The following NSD1 variants were observed in gnomAD, a reference collection of about 807,000 sequenced individuals.
The protein encoded by NSD1 is nuclear receptor binding SET domain protein 1, also known as histone-lysine N-methyltransferase, H3 lysine-36 specific.
A neutral mutation model predicts 242.7 loss-of-function variants in NSD1; 26 were observed. The ratio of observed to expected loss-of-function variants is 0.11; its 90% CI spans 0.08 to 0.15. The LOEUF is 0.15. Ranked by LOEUF, NSD1 falls within the 10% of genes least tolerant of loss-of-function variation. NSD1 has a pLI of 1.00. For missense variants in NSD1, 2,495 were observed against 3,272.8 expected, an observed-to-expected ratio of 0.76 and a Z score of 5.80; for synonymous variants, 1,106 against 1,178.1, an observed-to-expected ratio of 0.94 and a Z score of 1.25.
intron 16 of NSD1, among the ~76,000 whole-genome samples, chr5:177,270,417 A>G (rs1018834801): frequency 1.3e-5 from 2 of 152,236 alleles, no homozygotes; most frequent in African/African-American, 4.8e-5. Flanking sequence ...CTTAGAATAC[A>G]GTGGGATTAT....
At chr5:177,245,709 C>T (rs1477801194) in intron 9 of NSD1, among the ~76,000 whole-genome samples, 1 of 148,796 alleles carries the variant, frequency 6.7e-6, no homozygotes, top group Non-Finnish European at 1.5e-5. Flanking sequence ...AATCTCGGTT[C>T]ACTGCAGCCT....
At position 177,211,504 on chromosome 5, in the gene NSD1, A is replaced by G; in HGVS notation, c.3105A>G (p.Ser1035=). 1 of 1,614,130 alleles carries G rather than the reference A, an allele frequency of 6.2e-7. No individual in the cohort carries two copies. Among genetic ancestry groups the G allele is most frequent in the Non-Finnish European group, 8.5e-7 (1 of 1,180,026 alleles). Residue 1035 remains serine (S), a synonymous_variant, in exon 5 of 23, where the codon TCA becomes TCG. Transcript: ENST00000439151. ...KPSSKLRDAF[S]AQMVKNTVNR... is the part of the protein sequence containing the mutation. Reference sequence around the variant, plus strand: ...CATCCAAATTGCGAGATGCTTTTTCAGCCCAAATGGTAAAGAACACAGTGA... The same window carrying G: ...CATCCAAATTGCGAGATGCTTTTTCGGCCCAAATGGTAAAGAACACAGTGA...
At chr5:177,133,375 CG>C (rs1457315466), upstream of NSD1, among the ~76,000 whole-genome samples, 1 of 152,078 alleles carries the variant, frequency 6.6e-6, no homozygotes, top group Non-Finnish European at 1.5e-5. This position sits in a 1 kb window ranked among gnomAD's most constrained non-coding sequence, Gnocchi z 6.2. Flanking sequence ...GAGCCGTGTG[CG>C]GCCCGAGGCC....
chr5:177,156,957 C>A (rs187090023), intron 2 of NSD1, among the ~76,000 whole-genome samples: 1 of 151,716 alleles, frequency 6.6e-6, no homozygotes, highest in Admixed American at 6.6e-5. Context: ...GAGGACAGAG[C>A]GAGACTCTGT....
In NSD1 at chr5:177,134,972, TG is replaced by T. The variant is rs1351511771; in HGVS notation, c.-17-113del. The T allele has an allele frequency of 9.0e-6, 8 of 892,518 alleles. No individual in the cohort carries two copies. The highest frequency in any genetic ancestry group is 4.5e-5 in the South Asian group (3 of 67,292). The allele number at this position is 892,518 out of a possible 1,614,324, so 55.3% of individuals were successfully genotyped here. A position where few individuals can be genotyped will look rare whatever the true frequency, so the allele number is the denominator to read the frequency against. ...CAGTCGGGGGAACTTTTTCTGCCCA[TG>T]GAAGTGCAGCAGAAAGGCATAGAGG... On this transcript the variant is annotated intron_variant, in intron 1 of 22. Transcript: ENST00000439151. This position sits in a 1 kb window ranked among gnomAD's most constrained non-coding sequence, Gnocchi z 4.2.
intron 2 of NSD1, among the ~76,000 whole-genome samples, chr5:177,171,866 G>A (rs2149798813): frequency 6.6e-6 from 1 of 152,314 alleles, no homozygotes; most frequent in East Asian, 1.9e-4. Flanking sequence ...GGACATTTGA[G>A]TTGATTTCAC....
chr5:177,157,189 G>T (rs1024439002), intron 2 of NSD1, among the ~76,000 whole-genome samples: 6 of 152,004 alleles, frequency 3.9e-5, no homozygotes, highest in African/African-American at 1.4e-4. Context: ...CCAACATGGT[G>T]AAACTTTGTC....
chr5:177,168,093 G>A (rs773243780), intron 2 of NSD1, among the ~76,000 whole-genome samples: 1 of 152,136 alleles, frequency 6.6e-6, no homozygotes, highest in Non-Finnish European at 1.5e-5. Context: ...TAACAACACA[G>A]TATTAAAAAT....
rs2149756384 is a variant in NSD1 at position 177,135,675 on chromosome 5, C to T, written c.572C>T (p.Ala191Val). 1 of 1,614,162 alleles carries T rather than the reference C, an allele frequency of 6.2e-7. No individual in the cohort carries two copies. The highest frequency in any genetic ancestry group is 8.5e-7 in the Non-Finnish European group (1 of 1,180,034). ...EEIFEETQTN[A>V]TCNYETKSEN... ...ATCTTTGAGGAAACTCAGACCAATG[C>T]CACCTGCAATTATGAGACTAAATCA... Residue 191 changes from alanine (A) to valine (V), a missense_variant, in exon 2 of 23, where the codon GCC (alanine) becomes GTC (valine). Physicochemically the swap from Ala to Val is moderately conservative, Grantham distance 64. Around this residue, in one of 19 missense-constraint regions of NSD1, gnomAD observed 376 missense variants for 367.4 expected, o/e 1.02. Coordinates refer to ENST00000439151, the MANE Select transcript of NSD1 (RefSeq NM_022455.5).
At position 177,297,007 on chromosome 5, in the gene NSD1, T is replaced by C. The variant is rs928276820; in HGVS notation, c.*1548T>C. ...GATTCTGTATTTGGTCCCAATTTCCTCAAGTTCTTATTGAGGTTACTCCCA... is the reference window on the plus strand; with the variant it reads ...GATTCTGTATTTGGTCCCAATTTCCCCAAGTTCTTATTGAGGTTACTCCCA... On this transcript the variant is annotated 3_prime_UTR_variant, in exon 23 of 23. Coordinates refer to ENST00000439151, the MANE Select transcript of NSD1 (RefSeq NM_022455.5). The C allele has an allele frequency of 4.3e-6, 1 of 233,192 alleles. No individual in the cohort carries two copies. Among genetic ancestry groups the C allele is most frequent in the Non-Finnish European group, 8.5e-6 (1 of 118,060 alleles). 14.4% of individuals were successfully genotyped at this position (233,192 alleles called of 1,614,324 possible). A position where few individuals can be genotyped will look rare whatever the true frequency, so the allele number is the denominator to read the frequency against.
intron 17 of NSD1, 26 bp from the exon 18 acceptor site, chr5:177,280,539 C>G: frequency 2.5e-6 from 4 of 1,614,020 alleles, no homozygotes; most frequent in Non-Finnish European, 3.4e-6. Flanking sequence ...TTGTTTTATG[C>G]GGTGTACTTT....
intron 2 of NSD1, among the ~76,000 whole-genome samples, chr5:177,137,850 G>T (rs955696080): frequency 3.3e-5 from 5 of 152,032 alleles, no homozygotes; most frequent in Admixed American, 2.6e-4. Flanking sequence ...TTGGGAGGCT[G>T]AGGTGGACAG....
chr5:177,274,027 G>A (rs943024460), intron 17 of NSD1, among the ~76,000 whole-genome samples: 1 of 152,194 alleles, frequency 6.6e-6, no homozygotes, highest in Non-Finnish European at 1.5e-5. Flanking sequence ...CCAGGCAGGT[G>A]CCTGTAATTC....
chr5:177,298,038 A>G lies in NSD1; in HGVS notation c.*2579A>G, dbSNP rs1317200889. The G allele has an allele frequency of 2.6e-5, 6 of 232,718 alleles. No homozygotes were observed. The highest frequency in any genetic ancestry group is 1.1e-4 in the Admixed American group (2 of 17,676). 14.4% of individuals were successfully genotyped at this position (232,718 alleles called of 1,614,324 possible). A position where few individuals can be genotyped will look rare whatever the true frequency, so the allele number is the denominator to read the frequency against. ...AGCTATTGGGCCCACCAGTAGCAGC[A>G]TGTGATACTAGATGGTTAAAATCAT... On this transcript the variant is annotated 3_prime_UTR_variant, in exon 23 of 23. Transcript: ENST00000439151.
At chr5:177,207,197 C>T (rs567176445) in intron 4 of NSD1, among the ~76,000 whole-genome samples, 1 of 152,144 alleles carries the variant, frequency 6.6e-6, no homozygotes, top group Non-Finnish European at 1.5e-5. Flanking sequence ...TCCCCCCGAC[C>T]TTGGCCTCTC....
intron 14 of NSD1, among the ~76,000 whole-genome samples, chr5:177,262,848 A>G (rs1416080175): frequency 6.6e-6 from 1 of 152,242 alleles, no homozygotes; most frequent in Non-Finnish European, 1.5e-5. Flanking sequence ...TTATCTTCAC[A>G]GGTGTGGGAC....
intron 2 of NSD1, among the ~76,000 whole-genome samples, chr5:177,178,490 T>G (rs1760392863): frequency 6.6e-6 from 1 of 152,176 alleles, no homozygotes; most frequent in Non-Finnish European, 1.5e-5. Flanking sequence ...CCTGCCAAAG[T>G]GTTGGGATTA....
chr5:177,146,205 G>GTTTTTT (rs34454786), intron 2 of NSD1, among the ~76,000 whole-genome samples: 1 of 115,012 alleles, frequency 8.7e-6, no homozygotes, highest in Non-Finnish European at 1.7e-5. Flanking sequence ...TTCACCAATC[G>GTTTTTT]TTTTTTTTTT....
At position 177,213,003 on chromosome 5, in the gene NSD1, G is replaced by A. The variant is rs184213156; in HGVS notation, c.3796+808G>A. On this transcript the variant is annotated intron_variant, in intron 5 of 22. Transcript: ENST00000439151. ...GTGGACAATTTGATGAACCACATGC[G>A]CTTTTGAAAAAACTGCAAGTATTCT... Among the ~76,000 whole-genome samples the A allele has an allele frequency of 3.3e-3, 506 of 152,188 alleles. 6 individuals carry two copies. The highest frequency in any genetic ancestry group is 0.017 in the Admixed American group (257 of 15,280).
Sources: allele counts gnomAD v4.1 joint callset (sites outside exome capture counted in the v4.1 genomes callset), GRCh38; gene constraint gnomAD v4.1.1; regional missense constraint gnomAD v4.1.1; non-coding constraint Gnocchi (gnomAD v3.1); transcripts MANE v1.5; gene names NCBI Gene and HGNC (gene_info 2026-07-23, HGNC 2026-07-21).